The following CTNNA2 variants were observed in gnomAD, a reference collection of about 807,000 sequenced individuals.
CTNNA2 encodes the protein catenin alpha-2.
In CTNNA2, 42 loss-of-function variants were observed where a neutral mutation model predicts 101.0. The ratio of observed to expected loss-of-function variants is 0.42; its 90% CI spans 0.32 to 0.54. The LOEUF is 0.54. Among genes scored for constraint, CTNNA2 ranks in the 20% least tolerant of loss-of-function variants. The pLI, the probability that CTNNA2 is intolerant of heterozygous loss-of-function variation, is 0.14. For missense variants in CTNNA2, 871 were observed against 1,223.1 expected, an observed-to-expected ratio of 0.71 and a Z score of 4.29; for synonymous variants, 450 against 456.4, an observed-to-expected ratio of 0.99 and a Z score of 0.18.
intron 7 of CTNNA2, among the ~76,000 whole-genome samples, chr2:80,164,705 T>C (rs1704545161): frequency 6.6e-6 from 1 of 152,060 alleles, no homozygotes; most frequent in Non-Finnish European, 1.5e-5. Context: ...TCCTTTTGTT[T>C]AGAGAGCCGT....
At chr2:79,551,708 G>A (rs1396192332) in intron 1 of CTNNA2, among the ~76,000 whole-genome samples, 3 of 152,136 alleles carry the variant, frequency 2.0e-5, no homozygotes, top group Non-Finnish European at 2.9e-5. Context: ...AGTATGGCTA[G>A]GGAGGCTTCA....
chr2:80,082,863 CA>C (rs1392793422), intron 7 of CTNNA2, among the ~76,000 whole-genome samples: 1 of 152,086 alleles, frequency 6.6e-6, no homozygotes, highest in Non-Finnish European at 1.5e-5. Context: ...AGATCATTTA[CA>C]GCACATTTGC....
At chr2:79,278,515 G>A (rs985283614) in intron 2 of CTNNA2, among the ~76,000 whole-genome samples, 11 of 95,552 alleles carry the variant, frequency 1.2e-4, no homozygotes, top group Non-Finnish European at 2.1e-4. Flanking sequence ...ACATCCCCAA[G>A]CCCACGAAAA....
At chr2:80,345,760 T>C in intron 7 of CTNNA2, among the ~76,000 whole-genome samples, 1 of 152,210 alleles carries the variant, frequency 6.6e-6, no homozygotes, top group East Asian at 1.9e-4. Context: ...GAAACTTTTT[T>C]TTAGAAAAAG....
At chr2:79,360,359 A>G (rs547092961) in intron 3 of CTNNA2, among the ~76,000 whole-genome samples, 5 of 152,216 alleles carry the variant, frequency 3.3e-5, no homozygotes, top group African/African-American at 4.8e-5. Flanking sequence ...GTTGAGAGAA[A>G]TGTACAATCA....
At chr2:80,270,965 C>G (rs1673417017) in intron 7 of CTNNA2, among the ~76,000 whole-genome samples, 1 of 152,066 alleles carries the variant, frequency 6.6e-6, no homozygotes. Flanking sequence ...CAATTGGCAG[C>G]TACTGCCAAG....
intron 7 of CTNNA2, among the ~76,000 whole-genome samples, chr2:79,994,646 A>C (rs1692419477): frequency 6.6e-6 from 1 of 152,302 alleles, no homozygotes. Context: ...ATATCGCTAA[A>C]ATCAGGGAAG....
chr2:79,672,098 TA>T (rs891980792), intron 2 of CTNNA2, among the ~76,000 whole-genome samples: 14 of 151,980 alleles, frequency 9.2e-5, no homozygotes, highest in South Asian at 2.1e-4. Context: ...CTATTTTCTA[TA>T]AAAAAAAGTT....
At chr2:80,286,238 G>A (rs903405874) in intron 7 of CTNNA2, among the ~76,000 whole-genome samples, 1 of 152,052 alleles carries the variant, frequency 6.6e-6, no homozygotes, top group African/African-American at 2.4e-5. Flanking sequence ...GGAGCCCTCC[G>A]TACCCATTCC....
At chr2:79,348,299 G>C (rs1358708773) in intron 3 of CTNNA2, among the ~76,000 whole-genome samples, 1 of 152,138 alleles carries the variant, frequency 6.6e-6, no homozygotes, top group African/African-American at 2.4e-5. Context: ...GGGAACTGAG[G>C]TTTAGAATGG....
chr2:79,525,775 A>G (rs1672370212), intron 1 of CTNNA2, among the ~76,000 whole-genome samples: 1 of 152,016 alleles, frequency 6.6e-6, no homozygotes. Flanking sequence ...ATTAGTGCTG[A>G]ATCACTGAAT....
chr2:79,723,757 C>T (rs1484965240), intron 2 of CTNNA2, among the ~76,000 whole-genome samples: 1 of 152,206 alleles, frequency 6.6e-6, no homozygotes, highest in Non-Finnish European at 1.5e-5. Context: ...CTCCCCACCC[C>T]CCGCTCTAAT....
chr2:79,615,950 T>C (rs11904608), intron 1 of CTNNA2, among the ~76,000 whole-genome samples: 1 of 152,200 alleles, frequency 6.6e-6, no homozygotes, highest in Non-Finnish European at 1.5e-5. Flanking sequence ...AGCTTCCCCA[T>C]AGCTGCGTGC....
At chr2:80,056,947 A>G (rs887200758) in intron 7 of CTNNA2, among the ~76,000 whole-genome samples, 4 of 152,206 alleles carry the variant, frequency 2.6e-5, no homozygotes, top group Non-Finnish European at 5.9e-5. Context: ...CTCCTGGCCA[A>G]TGAGCATAGA....
chr2:80,627,573 G>A (rs890795991), intron 18 of CTNNA2, among the ~76,000 whole-genome samples: 1 of 151,654 alleles, frequency 6.6e-6, no homozygotes, highest in Non-Finnish European at 1.5e-5. Flanking sequence ...TTTTCTTCTT[G>A]TAAATTTAAG....
intron 9 of CTNNA2, among the ~76,000 whole-genome samples, chr2:80,437,335 G>A (rs1682132138): frequency 6.6e-6 from 1 of 152,208 alleles, no homozygotes; most frequent in African/African-American, 2.4e-5. Flanking sequence ...AGGCCTTAGG[G>A]ATGGGGGAGG....
chr2:79,722,852 G>A (rs1298270249), intron 2 of CTNNA2, among the ~76,000 whole-genome samples: 1 of 152,128 alleles, frequency 6.6e-6, no homozygotes, highest in Admixed American at 6.5e-5. Flanking sequence ...CATCCAGGTT[G>A]TGACAGATCA....
intron 3 of CTNNA2, among the ~76,000 whole-genome samples, chr2:79,782,195 G>A (rs1054720825): frequency 2.0e-5 from 3 of 152,060 alleles, no homozygotes; most frequent in Admixed American, 2.0e-4. Flanking sequence ...CTTTGGAAGA[G>A]TTAGCCAACT....
At chr2:80,526,627 C>T (rs528591265) in intron 9 of CTNNA2, among the ~76,000 whole-genome samples, 8 of 152,056 alleles carry the variant, frequency 5.3e-5, no homozygotes, top group Non-Finnish European at 7.4e-5. Context: ...GCCACTGTGC[C>T]GGGCCTCTCT....
Sources: gnomAD v4.1 joint callset for allele counts (sites outside exome capture counted in the v4.1 genomes callset) on GRCh38, gnomAD v4.1.1 for gene constraint, MANE v1.5 for transcripts, NCBI Gene and HGNC (gene_info 2026-07-23, HGNC 2026-07-21) for gene names.